LPP: variants seen among roughly 807,000 people sequenced by gnomAD.
The protein encoded by LPP is LIM domain containing preferred translocation partner in lipoma.
LPP carries 38 observed loss-of-function variants against 60.4 expected under a neutral mutation model. The ratio of observed to expected loss-of-function variants is 0.63; its 90% confidence interval spans 0.49 to 0.83. The LOEUF is 0.83. Among genes scored for constraint, LPP ranks in the 40% least tolerant of loss-of-function variants. The pLI is 0.00. For synonymous variants in LPP, 328 were observed against 290.8 expected (o/e 1.13, Z -1.30); for missense variants, 902 against 783.6 (o/e 1.15, Z -1.80).
At chr3:188,385,497 G>A (rs1185407906) in intron 3 of LPP, among the ~76,000 whole-genome samples, 1 of 152,114 alleles carries the variant, frequency 6.6e-6, no homozygotes, top group Non-Finnish European at 1.5e-5. Flanking sequence ...CTGAACTTAC[G>A]TAAGTTACAA....
intron 3 of LPP, among the ~76,000 whole-genome samples, chr3:188,399,719 A>G (rs1297410771): frequency 6.6e-6 from 1 of 152,248 alleles, no homozygotes; most frequent in Admixed American, 6.5e-5. Flanking sequence ...GTTAGTGTGC[A>G]GACTGTTTTG....
chr3:188,860,534 C>T (rs559078945), intron 9 of LPP, among the ~76,000 whole-genome samples: 16 of 152,140 alleles, frequency 1.1e-4, no homozygotes, highest in African/African-American at 3.1e-4. Context: ...CTGGTCCTTC[C>T]GAATCCTCCC....
Position 188,639,086 on chromosome 3 carries a change from G to A in LPP, c.1113+29242G>A, listed in dbSNP as rs1382840451. On this transcript the variant is annotated intron_variant, in intron 7 of 11. Transcript: ENST00000617246. ...AATCCTAAGCCAAAAGAACAAAGCT[G>A]GAGGCATCACGCTACCTGACTTCAA... 1.3e-4 allele frequency among the ~76,000 whole-genome samples: 19 copies of A among 151,934 alleles called. 1 individual carries two copies. Among genetic ancestry groups the A allele is most frequent in the Admixed American group, 9.2e-4 (14 of 15,244 alleles).
intron 8 of LPP, among the ~76,000 whole-genome samples, chr3:188,740,914 C>T (rs1285889812): frequency 6.6e-6 from 1 of 151,960 alleles, no homozygotes; most frequent in Non-Finnish European, 1.5e-5. Flanking sequence ...TTCTCAGTTT[C>T]CATGACCATG....
At position 188,832,792 on chromosome 3, in the gene LPP, G is replaced by A. The variant is rs567194497; in HGVS notation, c.1411-33408G>A. ...CTTGCATGTTGTCAAGTTCAGCTGTGGTCTTCAGCGGGAGCCTAGGACATG... is the reference window on the plus strand; with the variant it reads ...CTTGCATGTTGTCAAGTTCAGCTGTAGTCTTCAGCGGGAGCCTAGGACATG... On this transcript the variant is annotated intron_variant, in intron 9 of 11. Coordinates refer to ENST00000617246, the MANE Select transcript of LPP (RefSeq NM_001375462.1). 3.3e-5 allele frequency among the ~76,000 whole-genome samples: 5 copies of A among 152,276 alleles called. No individual in the cohort carries two copies. The South Asian group carries it at 8.3e-4, about 25-fold the overall frequency.
chr3:188,455,320 T>C lies in LPP; in HGVS notation c.194-29272T>C, dbSNP rs61510583. ...AAGGTACTGACCAGATTCACTGCCT[T>C]CTATTCCCAAAAAGATTATTAAAAG... On this transcript the variant is annotated intron_variant, in intron 4 of 11. Transcript: ENST00000617246. Among the ~76,000 whole-genome samples, 1,492 of 152,310 alleles carry C rather than the reference T, an allele frequency of 9.8e-3. 26 individuals carry two copies. Among genetic ancestry groups the C allele is most frequent in the African/African-American group, 0.035 (1,438 of 41,560 alleles).
At chr3:188,496,160 C>G (rs1810139140) in intron 5 of LPP, among the ~76,000 whole-genome samples, 1 of 151,900 alleles carries the variant, frequency 6.6e-6, no homozygotes, top group Admixed American at 6.6e-5. Flanking sequence ...TCTTCTTGCT[C>G]TGTTGCCCAG....
intron 2 of LPP, among the ~76,000 whole-genome samples, chr3:188,308,721 TAG>T (rs1752317738): frequency 6.6e-6 from 1 of 152,026 alleles, no homozygotes; most frequent in Non-Finnish European, 1.5e-5. Flanking sequence ...TTATGCGGAG[TAG>T]AGAGTAGATA....
chr3:188,680,614 A>G (rs1222551769), intron 7 of LPP, among the ~76,000 whole-genome samples: 1 of 152,242 alleles, frequency 6.6e-6, no homozygotes, highest in African/African-American at 2.4e-5. Flanking sequence ...GACAGCAAAA[A>G]GAGAAAATAA....
intron 3 of LPP, among the ~76,000 whole-genome samples, chr3:188,371,019 T>C (rs890759682): frequency 9.2e-5 from 14 of 152,096 alleles, no homozygotes; most frequent in East Asian, 3.9e-4. Context: ...CCCACGGAAA[T>C]TGGGAGAAAA....
chr3:188,193,960 A>C (rs1478966651), intron 1 of LPP, among the ~76,000 whole-genome samples: 1 of 152,234 alleles, frequency 6.6e-6, no homozygotes, highest in Non-Finnish European at 1.5e-5. Flanking sequence ...CTGATGAACA[A>C]GGTTTAAGGC....
chr3:188,417,280 G>A lies in LPP; in HGVS notation c.193+10967G>A, dbSNP rs550997840. On this transcript the variant is annotated intron_variant, in intron 4 of 11. Coordinates refer to ENST00000617246, the MANE Select transcript of LPP (RefSeq NM_001375462.1). The stretch of plus-strand genomic sequence containing the variant: ...CACATGTGCATAAAAATTGCATTAT[G>A]TAAATTTAGTGCCGTAATATAATAT... Among the ~76,000 whole-genome samples the A allele has an allele frequency of 1.9e-3, 291 of 152,152 alleles. 2 individuals are homozygous for A. The highest frequency in any genetic ancestry group is 1.6e-3 in the Non-Finnish European group (108 of 68,000).
rs574537909 is a variant in LPP, at chr3:188,865,092, C to T, written c.1411-1108C>T. Among the ~76,000 whole-genome samples the T allele has an allele frequency of 3.9e-5, 6 of 152,274 alleles. No individual in the cohort carries two copies. The South Asian group carries it at 6.2e-4, about 16-fold the overall frequency. On this transcript the variant is annotated intron_variant, in intron 9 of 11. Coordinates refer to ENST00000617246, the MANE Select transcript of LPP (RefSeq NM_001375462.1). The stretch of plus-strand genomic sequence containing the variant: ...CATCTTTCTAATAAGATCCACATCC[C>T]GGGTTTATTCCTGATTGTAAACTCA...
At chr3:188,750,930 T>C (rs1392074403) in intron 8 of LPP, among the ~76,000 whole-genome samples, 3 of 152,320 alleles carry the variant, frequency 2.0e-5, no homozygotes, top group South Asian at 4.1e-4. Flanking sequence ...AAGTCACACA[T>C]TGAACTCTTA....
intron 3 of LPP, among the ~76,000 whole-genome samples, chr3:188,361,859 T>C (rs1371946848): frequency 6.6e-6 from 1 of 152,192 alleles, no homozygotes; most frequent in Non-Finnish European, 1.5e-5. Context: ...TGAGCCACTG[T>C]GCCTAGCCCC....
chr3:188,574,000 A>G (rs1834062662), intron 6 of LPP, among the ~76,000 whole-genome samples: 1 of 152,180 alleles, frequency 6.6e-6, no homozygotes, highest in Non-Finnish European at 1.5e-5. Flanking sequence ...CGTAGCTCCA[A>G]CTGTAATCTT....
At chr3:188,292,912 G>A (rs749318925) in intron 2 of LPP, among the ~76,000 whole-genome samples, 6 of 152,120 alleles carry the variant, frequency 3.9e-5, no homozygotes, top group Admixed American at 2.6e-4. Context: ...TATGCCCCCA[G>A]TAAGGATCAA....
intron 1 of LPP, among the ~76,000 whole-genome samples, chr3:188,166,105 C>T (rs753051251): frequency 2.6e-5 from 4 of 152,096 alleles, no homozygotes; most frequent in Non-Finnish European, 2.9e-5. Context: ...CGTGAAAGTT[C>T]AGGCATTGGT....
Position 188,867,800 on chromosome 3 carries a change from G to A in LPP, c.1589+1422G>A, listed in dbSNP as rs1372207112. Among the ~76,000 whole-genome samples, 3 of 152,246 alleles carry A rather than the reference G, an allele frequency of 2.0e-5. No homozygotes were observed. The East Asian group carries it at 5.8e-4, about 29-fold the overall frequency. ...AAGCTTGTATTGCTCACCAGGTTGG[G>A]TATCCATTCTATGGCTTCCAAGTGT... On this transcript the variant is annotated intron_variant, in intron 10 of 11. Coordinates refer to ENST00000617246, the MANE Select transcript of LPP (RefSeq NM_001375462.1).
Sources: gnomAD v4.1 joint callset for allele counts (sites outside exome capture counted in the v4.1 genomes callset) on GRCh38, gnomAD v4.1.1 for gene constraint, MANE v1.5 for transcripts, NCBI Gene and HGNC (gene_info 2026-07-23, HGNC 2026-07-21) for gene names.